The following CNTN5 variants were observed in gnomAD, a reference collection of about 807,000 sequenced individuals.
CNTN5 encodes contactin-5.
Under a neutral mutation model 129.1 loss-of-function variants are expected in CNTN5, and 77 were observed. The observed-to-expected ratio is 0.60, with a 90% CI of 0.50 to 0.72. The LOEUF (loss-of-function observed/expected upper bound fraction) is 0.72, where lower values mean the gene tolerates loss of function less well. Among genes scored for constraint, CNTN5 ranks in the 30% least tolerant of loss-of-function variants. The probability of loss-of-function intolerance (pLI) is 0.00; values close to 1 mark genes in which losing one functional copy is unlikely to be tolerated. For missense variants in CNTN5, 1,478 were observed against 1,328.8 expected (o/e 1.11, Z -1.75); for synonymous variants, 509 against 465.6 (o/e 1.09, Z -1.20).
At chr11:99,338,090 G>C (rs1435572854) in intron 2 of CNTN5, among the ~76,000 whole-genome samples, 1 of 152,006 alleles carries the variant, frequency 6.6e-6, no homozygotes, top group East Asian at 1.9e-4. Flanking sequence ...TTTGGAAGTG[G>C]TTCCTTCCAT....
At chr11:99,168,578 T>TCAAAACAAAACAAAA (rs56681956) in intron 1 of CNTN5, among the ~76,000 whole-genome samples, 42,003 of 145,612 alleles carry the variant, frequency 0.29, 6,052 homozygotes, top group South Asian at 0.42. Flanking sequence ...AGACTCCATC[T>TCAAAACAAAACAAAA]CAAAACAAAA....
chr11:99,144,248 G>A (rs1469874577), intron 1 of CNTN5, among the ~76,000 whole-genome samples: 5 of 152,062 alleles, frequency 3.3e-5, no homozygotes, highest in African/African-American at 4.8e-5. Context: ...ATAAATTCTA[G>A]TCTCATCTAT....
chr11:99,570,602 A>T (rs565172890), intron 3 of CNTN5, among the ~76,000 whole-genome samples: 42 of 152,322 alleles, frequency 2.8e-4, no homozygotes, highest in African/African-American at 9.1e-4. Context: ...CCAAGTATTT[A>T]TTATGTGCCT....
chr11:99,284,430 G>A (rs1863833417), intron 1 of CNTN5, among the ~76,000 whole-genome samples: 1 of 151,906 alleles, frequency 6.6e-6, no homozygotes, highest in Non-Finnish European at 1.5e-5. Flanking sequence ...CAGGTCTGTG[G>A]CTCCAACGGT....
At chr11:99,453,411 A>T (rs1396031523) in intron 2 of CNTN5, among the ~76,000 whole-genome samples, 2 of 152,188 alleles carry the variant, frequency 1.3e-5, no homozygotes, top group Non-Finnish European at 2.9e-5. Context: ...GTGAATTTCC[A>T]ATGGTAGAGA....
chr11:99,994,493 T>C (rs573355972), intron 8 of CNTN5, among the ~76,000 whole-genome samples: 26 of 152,290 alleles, frequency 1.7e-4, no homozygotes, highest in Non-Finnish European at 2.9e-4. Context: ...GAAATAATTA[T>C]ATAGAAATAT....
intron 13 of CNTN5, among the ~76,000 whole-genome samples, chr11:100,168,873 A>G (rs1947737191): frequency 6.6e-6 from 1 of 152,098 alleles, no homozygotes; most frequent in Non-Finnish European, 1.5e-5. Flanking sequence ...TTCATAGTTC[A>G]TGGCAGGAGG....
intron 6 of CNTN5, among the ~76,000 whole-genome samples, chr11:99,860,288 T>A (rs1180456450): frequency 6.6e-6 from 1 of 152,170 alleles, no homozygotes; most frequent in Non-Finnish European, 1.5e-5. Context: ...TTCTTTTTTT[T>A]TGTTGAGGAT....
chr11:99,829,590 T>G (rs1375088042), intron 4 of CNTN5, among the ~76,000 whole-genome samples: 3 of 152,226 alleles, frequency 2.0e-5, no homozygotes, highest in African/African-American at 7.2e-5. Flanking sequence ...CCTCAGTATC[T>G]ACTCTGTTTT....
intron 1 of CNTN5, among the ~76,000 whole-genome samples, chr11:99,272,102 T>C (rs1177361711): frequency 1.3e-5 from 2 of 151,878 alleles, no homozygotes; most frequent in Non-Finnish European, 2.9e-5. Context: ...ATAAGGGTTT[T>C]AATTAGTCGA....
intron 1 of CNTN5, among the ~76,000 whole-genome samples, chr11:99,084,862 A>G (rs1057383016): frequency 6.6e-6 from 1 of 152,188 alleles, no homozygotes; most frequent in African/African-American, 2.4e-5. Context: ...CTCTCAAACA[A>G]TTAAGTATCC....
chr11:99,846,563 G>A (rs1947705841), intron 6 of CNTN5, among the ~76,000 whole-genome samples: 1 of 151,760 alleles, frequency 6.6e-6, no homozygotes, highest in African/African-American at 2.4e-5. Context: ...AAAATACTGA[G>A]AAAGACTAGG....
chr11:99,415,329 G>A (rs142808067), intron 2 of CNTN5, among the ~76,000 whole-genome samples: 165 of 152,108 alleles, frequency 1.1e-3, no homozygotes, highest in African/African-American at 3.8e-3. Context: ...AAAAAAATGT[G>A]TGATCTAATA....
At chr11:99,649,744 G>GT (rs34135167) in intron 3 of CNTN5, among the ~76,000 whole-genome samples, 4 of 151,366 alleles carry the variant, frequency 2.6e-5, no homozygotes, top group African/African-American at 9.7e-5. Flanking sequence ...GAAACATTAA[G>GT]TTTTTTTCCT....
intron 2 of CNTN5, among the ~76,000 whole-genome samples, chr11:99,402,867 T>C (rs1941882956): frequency 1.3e-5 from 2 of 152,224 alleles, no homozygotes; most frequent in Admixed American, 1.3e-4. Flanking sequence ...TAGTTACTCA[T>C]AGTAGCCACT....
intron 3 of CNTN5, among the ~76,000 whole-genome samples, chr11:99,616,546 A>T (rs572797529): frequency 6.6e-6 from 1 of 152,368 alleles, no homozygotes; most frequent in East Asian, 1.9e-4. Flanking sequence ...AGATATGAAT[A>T]GAATATGGAT....
chr11:99,685,050 CAT>C (rs1591477181), intron 3 of CNTN5, among the ~76,000 whole-genome samples: 1 of 151,494 alleles, frequency 6.6e-6, no homozygotes, highest in East Asian at 1.9e-4. Flanking sequence ...TGTATTTAAA[CAT>C]AAATTTTCTT....
chr11:100,048,231 T>G (rs548207151), intron 9 of CNTN5, among the ~76,000 whole-genome samples: 10 of 152,296 alleles, frequency 6.6e-5, no homozygotes, highest in African/African-American at 2.4e-4. Context: ...TTCTTGGGCC[T>G]TTAGACTTGA....
At chr11:100,313,350 A>G (rs1021505166) in intron 21 of CNTN5, among the ~76,000 whole-genome samples, 19 of 151,916 alleles carry the variant, frequency 1.3e-4, no homozygotes, top group African/African-American at 4.3e-4. Context: ...TTTTAGAGGC[A>G]GGGCTGGCAG....
Sources: allele counts gnomAD v4.1 joint callset (sites outside exome capture counted in the v4.1 genomes callset), GRCh38; gene constraint gnomAD v4.1.1; transcripts MANE v1.5; gene names NCBI Gene and HGNC (gene_info 2026-07-23, HGNC 2026-07-21).